Variants in KIRREL3 observed in about 807,000 individuals in gnomAD.
KIRREL3 encodes the protein kin of IRRE-like protein 3.
Under a neutral mutation model 89.7 loss-of-function variants are expected in KIRREL3, and 36 were observed. That is an observed-to-expected ratio of 0.40 (90% CI 0.31 to 0.53). KIRREL3 has a LOEUF of 0.53. Among genes scored for constraint, KIRREL3 ranks in the 20% least tolerant of loss-of-function variants. The pLI is 0.49. For synonymous variants in KIRREL3, 445 were observed against 441.4 expected (o/e 1.01, Z -0.10); for missense variants, 864 against 1,056.6 (o/e 0.82, Z 2.53).
Position 126,477,285 on chromosome 11 carries a change from T to TGCTCTGCCCCTACCTGCCCA in KIRREL3, c.434-3839_434-3820dup, listed in dbSNP as rs1314055009. On this transcript the variant is annotated intron_variant, in intron 4 of 16. Coordinates refer to ENST00000525144, the MANE Select transcript of KIRREL3 (RefSeq NM_032531.4). The surrounding 1 kb of genome is among the most constrained non-coding windows in gnomAD (Gnocchi z 4.8). ...AGCAGGCAGCTTCAGTCTCCCTCCCTGCTCTGCCCCTACCTGCCCAGCTCT... is the reference window on the plus strand; with the variant it reads ...AGCAGGCAGCTTCAGTCTCCCTCCCTGCTCTGCCCCTACCTGCCCAGCTCTGCCCCTACCTGCCCAGCTCT... Among the ~76,000 whole-genome samples, 1 of 152,242 alleles carries TGCTCTGCCCCTACCTGCCCA rather than the reference T, an allele frequency of 6.6e-6. No individual in the cohort carries two copies. Among genetic ancestry groups the TGCTCTGCCCCTACCTGCCCA allele is most frequent in the Non-Finnish European group, 1.5e-5 (1 of 68,044 alleles).
chr11:126,998,972 C>A (rs1304399763), intron 1 of KIRREL3, among the ~76,000 whole-genome samples: 2 of 138,038 alleles, frequency 1.4e-5, no homozygotes, highest in African/African-American at 5.6e-5. Flanking sequence ...TAAGCAAGCA[C>A]ATACACATCC....
Position 126,685,261 on chromosome 11 carries a change from A to C in KIRREL3, c.56-122349T>G, listed in dbSNP as rs1201748048. The stretch of plus-strand genomic sequence containing the variant: ...GGCAGGGCGGCAGATGCTTGGGGTC[A>C]CATGAACACACAATTGAGCAACAAA... On this transcript the variant is annotated intron_variant, in intron 1 of 16. Transcript: ENST00000525144. This position sits in a 1 kb window ranked among gnomAD's most constrained non-coding sequence, Gnocchi z 5.5. 2.0e-5 allele frequency among the ~76,000 whole-genome samples: 3 copies of C among 152,168 alleles called. No individual in the cohort carries two copies. Among genetic ancestry groups the C allele is most frequent in the Non-Finnish European group, 4.4e-5 (3 of 68,026 alleles).
chr11:126,997,514 G>A lies in KIRREL3; in HGVS notation c.55+2941C>T, dbSNP rs759386582. Among the ~76,000 whole-genome samples the A allele has an allele frequency of 2.6e-5, 4 of 151,396 alleles. No individual in the cohort carries two copies. The highest frequency in any genetic ancestry group is 2.1e-4 in the South Asian group (1 of 4,798). On this transcript the variant is annotated intron_variant, in intron 1 of 16. Coordinates refer to ENST00000525144, the MANE Select transcript of KIRREL3 (RefSeq NM_032531.4). This position sits in a 1 kb window ranked among gnomAD's most constrained non-coding sequence, Gnocchi z 4.3. ...CCTTAAGAAAGATAAAGAAATACTT[G>A]ATCTCAATCTACATGAAAAGCCCAA... is the stretch of plus-strand genomic sequence containing the variant.
chr11:126,901,530 G>A (rs542094184), intron 1 of KIRREL3, among the ~76,000 whole-genome samples: 1 of 152,174 alleles, frequency 6.6e-6, no homozygotes, highest in Non-Finnish European at 1.5e-5. Flanking sequence ...AGTGAGCAAC[G>A]ATGGAGGATA....
Position 126,755,805 on chromosome 11 carries a change from C to T in KIRREL3, c.56-192893G>A, listed in dbSNP as rs1039078588. ...CTCACCACTACCCTGAATGCGTGCT[C>T]GCCATCTGCCATTCAGGCAGAGAGA... On this transcript the variant is annotated intron_variant, in intron 1 of 16. Transcript: ENST00000525144. The surrounding 1 kb of genome is among the most constrained non-coding windows in gnomAD (Gnocchi z 4.3). Among the ~76,000 whole-genome samples the T allele has an allele frequency of 6.6e-6, 1 of 150,814 alleles. No homozygotes were observed. Among genetic ancestry groups the T allele is most frequent in the Non-Finnish European group, 1.5e-5 (1 of 67,914 alleles).
At chr11:126,727,565 G>A (rs1948440245) in intron 1 of KIRREL3, among the ~76,000 whole-genome samples, 1 of 152,168 alleles carries the variant, frequency 6.6e-6, no homozygotes, top group Non-Finnish European at 1.5e-5. Flanking sequence ...TGCCCAGCAG[G>A]CATTTCCCTG....
At chr11:126,728,100 G>T (rs1285979981) in intron 1 of KIRREL3, among the ~76,000 whole-genome samples, 2 of 152,176 alleles carry the variant, frequency 1.3e-5, no homozygotes, top group Non-Finnish European at 2.9e-5. Context: ...TCACAGAGGG[G>T]CTGGGTGCAG....
In KIRREL3 at chr11:126,754,863, T is replaced by G. The variant is rs753083403; in HGVS notation, c.56-191951A>C. The stretch of plus-strand genomic sequence containing the variant: ...CTCTTTCTCCATGGCCAGACATTGA[T>G]GAAAATTGTACTGAGCAGCTGCCTG... On this transcript the variant is annotated intron_variant, in intron 1 of 16. Coordinates refer to ENST00000525144, the MANE Select transcript of KIRREL3 (RefSeq NM_032531.4). The surrounding 1 kb of genome is among the most constrained non-coding windows in gnomAD (Gnocchi z 5.1). 6.6e-6 allele frequency among the ~76,000 whole-genome samples: 1 copy of G among 152,222 alleles called. No individual in the cohort carries two copies. Among genetic ancestry groups the G allele is most frequent in the African/African-American group, 2.4e-5 (1 of 41,460 alleles).
At chr11:126,500,598 G>A (rs1194778081) in intron 4 of KIRREL3, among the ~76,000 whole-genome samples, 1 of 152,076 alleles carries the variant, frequency 6.6e-6, no homozygotes, top group East Asian at 1.9e-4. Context: ...AAATTAGCTG[G>A]GCGTGGTGGC....
Position 126,805,817 on chromosome 11 carries a change from C to T in KIRREL3, c.55+194638G>A, listed in dbSNP as rs891851806. On this transcript the variant is annotated intron_variant, in intron 1 of 16. Transcript: ENST00000525144. The surrounding 1 kb of genome is among the most constrained non-coding windows in gnomAD (Gnocchi z 4.3). ...CTCTGTCTTTCACGGTTTTCCTGCT[C>T]AGCTTATTCATCCAAGTTCCCACTC... 7.9e-5 allele frequency among the ~76,000 whole-genome samples: 12 copies of T among 152,136 alleles called. No homozygotes were observed. Among genetic ancestry groups the T allele is most frequent in the African/African-American group, 2.9e-4 (12 of 41,430 alleles).
Position 126,677,619 on chromosome 11 carries a change from T to C in KIRREL3, c.56-114707A>G, listed in dbSNP as rs1946255066. On this transcript the variant is annotated intron_variant, in intron 1 of 16. Transcript: ENST00000525144. The surrounding 1 kb of genome is among the most constrained non-coding windows in gnomAD (Gnocchi z 5.1). ...CTCTGTCTGGCTGCATTCGCTGAGCTGTCGCTGTGCTAGGTGCTGAAGCAG... is the reference window on the plus strand; with the variant it reads ...CTCTGTCTGGCTGCATTCGCTGAGCCGTCGCTGTGCTAGGTGCTGAAGCAG... Among the ~76,000 whole-genome samples the C allele has an allele frequency of 6.6e-6, 1 of 152,168 alleles. No individual in the cohort carries two copies. The highest frequency in any genetic ancestry group is 6.5e-5 in the Admixed American group (1 of 15,284).
intron 4 of KIRREL3, among the ~76,000 whole-genome samples, chr11:126,509,610 TAA>T (rs1045838467): frequency 5.9e-5 from 9 of 152,202 alleles, no homozygotes; most frequent in African/African-American, 2.2e-4. Context: ...TGCAGAATGG[TAA>T]AGTTTTGAAT....
At chr11:126,588,280 G>C (rs960968267) in intron 1 of KIRREL3, among the ~76,000 whole-genome samples, 15 of 152,200 alleles carry the variant, frequency 9.9e-5, no homozygotes, top group African/African-American at 3.4e-4. Context: ...TTGATACTCA[G>C]CTTCTCTGAG....
intron 1 of KIRREL3, among the ~76,000 whole-genome samples, chr11:126,688,452 T>C (rs543381294): frequency 6.6e-6 from 1 of 152,328 alleles, no homozygotes; most frequent in East Asian, 1.9e-4. Flanking sequence ...GCTAACAATG[T>C]TTTGGTTGCC....
chr11:126,988,206 G>C (rs2135268199), intron 1 of KIRREL3, among the ~76,000 whole-genome samples: 1 of 152,256 alleles, frequency 6.6e-6, no homozygotes, highest in African/African-American at 2.4e-5. Flanking sequence ...AGGGAAGCTG[G>C]GTGATGATGA....
At position 126,989,496 on chromosome 11, in the gene KIRREL3, G is replaced by A. The variant is rs1431361719; in HGVS notation, c.55+10959C>T. On this transcript the variant is annotated intron_variant, in intron 1 of 16. Transcript: ENST00000525144. The surrounding 1 kb of genome is among the most constrained non-coding windows in gnomAD (Gnocchi z 6.2). The stretch of plus-strand genomic sequence containing the variant: ...TGAAAGGCCAAAGGTAACATAAACC[G>A]CCAGCTCTACCAACCACTCAGGCTG... Among the ~76,000 whole-genome samples, 1 of 152,134 alleles carries A rather than the reference G, an allele frequency of 6.6e-6. No individual in the cohort carries two copies. Among genetic ancestry groups the A allele is most frequent in the Non-Finnish European group, 1.5e-5 (1 of 68,018 alleles).
At chr11:126,584,735 T>C (rs932480340) in intron 1 of KIRREL3, among the ~76,000 whole-genome samples, 2 of 152,196 alleles carry the variant, frequency 1.3e-5, no homozygotes, top group Admixed American at 1.3e-4. Context: ...GCTTCCCCAC[T>C]GTGACACCCT....
rs1202552778 is a variant in KIRREL3 at position 126,674,959 on chromosome 11, A to G, written c.56-112047T>C. On this transcript the variant is annotated intron_variant, in intron 1 of 16. Transcript: ENST00000525144. ...GATGTGGTGCACCTCGTGTTAACCA[A>G]TAAGCACCTGATGGGATTTGCCTCA... is the stretch of plus-strand genomic sequence containing the variant. Among the ~76,000 whole-genome samples, 14 of 152,212 alleles carry G rather than the reference A, an allele frequency of 9.2e-5. No individual in the cohort carries two copies. The East Asian group carries it at 2.5e-3, about 27-fold the overall frequency.
In KIRREL3 at chr11:126,734,515, C is replaced by T. The variant is rs147353659; in HGVS notation, c.56-171603G>A. Reference sequence around the variant, plus strand: ...CCTGTCTCTACGAAAAATACAAAATCAGCTGGGCATGGCAGCGCGTGCCTG... The same window carrying T: ...CCTGTCTCTACGAAAAATACAAAATTAGCTGGGCATGGCAGCGCGTGCCTG... On this transcript the variant is annotated intron_variant, in intron 1 of 16. Transcript: ENST00000525144. The surrounding 1 kb of genome is among the most constrained non-coding windows in gnomAD (Gnocchi z 5.9). Among the ~76,000 whole-genome samples the T allele has an allele frequency of 0.014, 2,143 of 152,130 alleles. 46 individuals carry two copies. The highest frequency in any genetic ancestry group is 0.045 in the African/African-American group (1,884 of 41,508).
Sources: gnomAD v4.1 joint callset for allele counts (sites outside exome capture counted in the v4.1 genomes callset) on GRCh38, gnomAD v4.1.1 for gene constraint, Gnocchi (gnomAD v3.1) non-coding constraint, MANE v1.5 for transcripts, NCBI Gene and HGNC (gene_info 2026-07-23, HGNC 2026-07-21) for gene names.